ROR1: variants seen among roughly 807,000 people sequenced by gnomAD.
ROR1 encodes ROR family WNT receptor 1.
Under a neutral mutation model 78.8 loss-of-function variants are expected in ROR1, and 19 were observed. The observed-to-expected ratio is 0.24, with a 90% CI of 0.17 to 0.35. The LOEUF (loss-of-function observed/expected upper bound fraction) is 0.35. Ranked by LOEUF, ROR1 falls within the 10% of genes least tolerant of loss-of-function variation. The pLI, the probability that ROR1 is intolerant of heterozygous loss-of-function variation, is 1.00. For missense variants in ROR1, 917 were observed against 1,177.8 expected, an observed-to-expected ratio of 0.78 and a Z score of 3.24; for synonymous variants, 386 against 433.6, an observed-to-expected ratio of 0.89 and a Z score of 1.36.
At chr1:63,775,828 G>A (rs622687) in intron 1 of ROR1, among the ~76,000 whole-genome samples, 13,614 of 152,154 alleles carry the variant, frequency 0.089, 654 homozygotes, top group Non-Finnish European at 0.11. Flanking sequence ...TAATGTGGTC[G>A]TGCTAATCTG....
intron 1 of ROR1, among the ~76,000 whole-genome samples, chr1:63,945,353 T>G (rs1261367631): frequency 6.6e-6 from 1 of 151,804 alleles, no homozygotes; most frequent in African/African-American, 2.4e-5. Flanking sequence ...TGATTCACTC[T>G]AATATTTTTT....
intron 4 of ROR1, among the ~76,000 whole-genome samples, chr1:64,075,050 T>A (rs1647037888): frequency 1.3e-5 from 2 of 152,202 alleles, no homozygotes; most frequent in South Asian, 4.1e-4. Context: ...ATCCTCCCAA[T>A]AGCCAGTGCT....
At chr1:63,912,402 A>G (rs775629842) in intron 1 of ROR1, among the ~76,000 whole-genome samples, 20 of 152,112 alleles carry the variant, frequency 1.3e-4, no homozygotes, top group East Asian at 5.8e-4. Flanking sequence ...GCAAGGAGAA[A>G]CCACTCTAAA....
chr1:63,904,243 C>G (rs1298351518), intron 1 of ROR1, among the ~76,000 whole-genome samples: 1 of 152,124 alleles, frequency 6.6e-6, no homozygotes, highest in Non-Finnish European at 1.5e-5. Context: ...TAGACATCAT[C>G]TAGTGATTCA....
chr1:64,145,815 G>C (rs1379293109), intron 7 of ROR1, among the ~76,000 whole-genome samples: 1 of 152,176 alleles, frequency 6.6e-6, no homozygotes, highest in Non-Finnish European at 1.5e-5. Context: ...CACAGTGCTA[G>C]GGTTTTCACA....
At chr1:64,018,492 G>GTTCC (rs1453525550) in intron 2 of ROR1, among the ~76,000 whole-genome samples, 1 of 152,120 alleles carries the variant, frequency 6.6e-6, no homozygotes, top group Non-Finnish European at 1.5e-5. Flanking sequence ...ATCACACCTT[G>GTTCC]TTCCTCCCCA....
At position 64,127,967 on chromosome 1, in the gene ROR1, G is replaced by A. The variant is rs79596099; in HGVS notation, c.483-9402G>A. 3.7e-3 allele frequency among the ~76,000 whole-genome samples: 561 copies of A among 152,232 alleles called. 1 individual carries two copies. The highest frequency in any genetic ancestry group is 5.6e-3 in the Non-Finnish European group (383 of 68,018). On this transcript the variant is annotated intron_variant, in intron 4 of 8. Transcript: ENST00000371079. The stretch of plus-strand genomic sequence containing the variant: ...TGGCCTTTTGCAGCCTTTGGAGGAT[G>A]GATTGGAAGAGTGGAAGGTTGGAGG...
chr1:63,948,631 A>T (rs932680495), intron 1 of ROR1, among the ~76,000 whole-genome samples: 1 of 152,156 alleles, frequency 6.6e-6, no homozygotes, highest in East Asian at 1.9e-4. Flanking sequence ...CTCTGCTGCC[A>T]CGGATTCTTA....
chr1:63,949,764 G>A lies in ROR1; in HGVS notation c.92-59541G>A, dbSNP rs150189151. Among the ~76,000 whole-genome samples the A allele has an allele frequency of 1.5e-3, 222 of 152,180 alleles. 1 individual carries two copies. Among genetic ancestry groups the A allele is most frequent in the Middle Eastern group, 3.4e-3 (1 of 292 alleles). On this transcript the variant is annotated intron_variant, in intron 1 of 8. Coordinates refer to ENST00000371079, the MANE Select transcript of ROR1 (RefSeq NM_005012.4). ...TCAGACATGCTTAAGTTTCTCAAAG[G>A]GGGTAGCCCGGGAACTTGAGACTTC...
chr1:64,091,712 C>T (rs1647198887), intron 4 of ROR1, among the ~76,000 whole-genome samples: 1 of 152,148 alleles, frequency 6.6e-6, no homozygotes. Flanking sequence ...TTCTCTTCTT[C>T]CCTCTTCTCC....
At chr1:63,802,658 G>T (rs182824148) in intron 1 of ROR1, among the ~76,000 whole-genome samples, 215 of 152,288 alleles carry the variant, frequency 1.4e-3, no homozygotes, top group African/African-American at 5.1e-3. Flanking sequence ...TGAAAGCAGT[G>T]ATGAGACTTT....
At chr1:63,993,746 G>A (rs2100524426) in intron 1 of ROR1, among the ~76,000 whole-genome samples, 1 of 152,154 alleles carries the variant, frequency 6.6e-6, no homozygotes, top group African/African-American at 2.4e-5. Context: ...ATTTTGGATA[G>A]CCATAATTTA....
intron 1 of ROR1, among the ~76,000 whole-genome samples, chr1:63,905,898 C>CGATAATAATTAACATAAAATAATGTACTT (rs1645524296): frequency 6.6e-6 from 1 of 152,004 alleles, no homozygotes; most frequent in Non-Finnish European, 1.5e-5. Flanking sequence ...TTACTTAACT[C>CGATAATAATTAACATAAAATAATGTACTT]GATAATAATT....
At chr1:63,868,614 C>G (rs1208272951) in intron 1 of ROR1, among the ~76,000 whole-genome samples, 1 of 152,178 alleles carries the variant, frequency 6.6e-6, no homozygotes. Context: ...GTGAAAAGGG[C>G]CTGGCCTAGA....
chr1:64,026,369 G>A (rs746491031), intron 2 of ROR1, among the ~76,000 whole-genome samples: 7 of 152,164 alleles, frequency 4.6e-5, no homozygotes, highest in Non-Finnish European at 1.0e-4. Context: ...GACAGACAAA[G>A]CTAAATGCTG....
chr1:64,009,726 G>C (rs1054762653), intron 2 of ROR1, among the ~76,000 whole-genome samples: 2 of 152,142 alleles, frequency 1.3e-5, no homozygotes, highest in Admixed American at 1.3e-4. Flanking sequence ...ATTCATCAGA[G>C]CTGTTTGCTC....
chr1:64,050,849 T>C lies in ROR1; in HGVS notation c.482+133T>C, dbSNP rs1223550023. 3 of 861,396 alleles carry C rather than the reference T, an allele frequency of 3.5e-6. No homozygotes were observed. The African/African-American group carries it at 5.0e-5, about 14-fold the overall frequency. 53.4% of individuals were successfully genotyped at this position (861,396 alleles called of 1,614,324 possible). ...GTCATTCCATTTTGCCCTGCCCTCA[T>C]TCCATTTTGCTTGTTCTCTGCTCTA... On this transcript the variant is annotated intron_variant, in intron 4 of 8. Coordinates refer to ENST00000371079, the MANE Select transcript of ROR1 (RefSeq NM_005012.4).
intron 1 of ROR1, among the ~76,000 whole-genome samples, chr1:63,876,453 A>G (rs1645285498): frequency 6.6e-6 from 1 of 152,080 alleles, no homozygotes; most frequent in Admixed American, 6.6e-5. Context: ...ACCTCCATCC[A>G]ACTACCTAAA....
intron 4 of ROR1, among the ~76,000 whole-genome samples, chr1:64,119,086 T>C (rs1228727058): frequency 6.6e-6 from 1 of 152,218 alleles, no homozygotes; most frequent in Non-Finnish European, 1.5e-5. Flanking sequence ...TTGTTTTTCT[T>C]GCTTCTTAAA....
Sources: allele counts gnomAD v4.1 joint callset (sites outside exome capture counted in the v4.1 genomes callset), GRCh38; gene constraint gnomAD v4.1.1; transcripts MANE v1.5; gene names NCBI Gene and HGNC (gene_info 2026-07-23, HGNC 2026-07-21).